The following TRMT11 variants were observed in gnomAD, a reference collection of about 807,000 sequenced individuals.
TRMT11 encodes tRNA methyltransferase 11.
TRMT11 carries 53 observed loss-of-function variants against 62.8 expected under a neutral mutation model. That is an observed-to-expected ratio of 0.84 (90% CI 0.68 to 1.06). The LOEUF is 1.06. Among genes scored for constraint, TRMT11 ranks in the 50% least tolerant of loss-of-function variants. The pLI is 0.00. For missense variants in TRMT11, 556 were observed against 553.4 expected (o/e 1.00, Z -0.05); for synonymous variants, 188 against 190.3 (o/e 0.99, Z 0.10).
rs1040974571 is a variant in TRMT11 at position 125,990,969 on chromosome 6, G to A, written c.73-2788G>A. 9.2e-5 allele frequency among the ~76,000 whole-genome samples: 14 copies of A among 151,896 alleles called. No homozygotes were observed. In the East Asian group the frequency reaches 2.1e-3, roughly 23 times the overall value. On this transcript the variant is annotated intron_variant, in intron 1 of 12. Coordinates refer to ENST00000334379, the MANE Select transcript of TRMT11 (RefSeq NM_001031712.3). ...TGCTTAAAAATTTTTTTGGGGGTCC[G>A]GGCGCAGTGGCTCACTCCTGTAATT...
chr6:126,238,689 T>A, the TRMT11 span, among the ~76,000 whole-genome samples: 12 of 152,250 alleles, frequency 7.9e-5, no homozygotes, highest in African/African-American at 2.4e-4. Context: ...TATATTCTGC[T>A]GATTTGGGGT....
chr6:126,094,084 A>T (rs1777313206), intron 17 of TRMT11, among the ~76,000 whole-genome samples: 1 of 151,490 alleles, frequency 6.6e-6, no homozygotes, highest in African/African-American at 2.4e-5. Flanking sequence ...GTGTAATAGA[A>T]AATGTGATAC....
At chr6:126,061,539 AAT>A (rs1776535689) in intron 17 of TRMT11, among the ~76,000 whole-genome samples, 2 of 118,702 alleles carry the variant, frequency 1.7e-5, no homozygotes, top group Admixed American at 1.0e-4. Context: ...AGGATCAGTC[AAT>A]TTTTTTTTTT....
At chr6:126,175,910 T>C (rs1778380114), upstream of TRMT11, among the ~76,000 whole-genome samples, 1 of 152,178 alleles carries the variant, frequency 6.6e-6, no homozygotes, top group Admixed American at 6.5e-5. Context: ...ACACTGAGAA[T>C]TTTACTTACT....
At chr6:126,186,003 G>T (rs1778522988) in intron 1 of TRMT11, among the ~76,000 whole-genome samples, 1 of 152,124 alleles carries the variant, frequency 6.6e-6, no homozygotes, top group African/African-American at 2.4e-5. Context: ...TCTAATTCAA[G>T]ATGAGATTCG....
the TRMT11 span, among the ~76,000 whole-genome samples, chr6:126,213,050 T>C: frequency 6.6e-6 from 1 of 152,140 alleles, no homozygotes; most frequent in Non-Finnish European, 1.5e-5. Context: ...GTGTATGCTA[T>C]TGGCATCTTT....
At chr6:126,034,146 C>CA (rs1375265878) in intron 12 of TRMT11, among the ~76,000 whole-genome samples, 3 of 151,936 alleles carry the variant, frequency 2.0e-5, no homozygotes, top group African/African-American at 7.2e-5. Flanking sequence ...AAGAGAATCA[C>CA]AATGGGAAAA....
At position 125,986,554 on chromosome 6, in the gene TRMT11, G is replaced by C; in HGVS notation, c.4G>C (p.Ala2Pro). 6.3e-7 allele frequency: 1 copy of C among 1,588,650 alleles called. No individual in the cohort carries two copies. Among genetic ancestry groups the C allele is most frequent in the Non-Finnish European group, 8.5e-7 (1 of 1,169,994 alleles). The change falls in exon 1 of 13, where the codon GCG becomes CCG. Residue 2 changes from alanine to proline, a missense_variant. Ala to Pro is a conservative substitution (Grantham distance 27, BLOSUM62 -1). Coordinates refer to ENST00000334379, the MANE Select transcript of TRMT11 (RefSeq NM_001031712.3). ...AGGCGCACGGTGGGCAGCTGCAATG[G>C]CGCTGTCGTGTACCCTTAACAGGTA... The part of the protein sequence containing the change: M[A>P]LSCTLNRYLL...
chr6:126,239,895 A>C, the TRMT11 span, among the ~76,000 whole-genome samples: 23 of 152,000 alleles, frequency 1.5e-4, no homozygotes, highest in African/African-American at 4.6e-4. Context: ...TTCTTGGAGG[A>C]TTTGTTCATT....
the TRMT11 span, chr6:126,258,421 C>G: frequency 3.0e-6 from 1 of 327,892 alleles, no homozygotes; most frequent in African/African-American, 2.2e-5. Flanking sequence ...GTGGCTGGCC[C>G]GGGTTAGCCT....
At position 126,011,369 on chromosome 6, in the gene TRMT11, A is replaced by C; in HGVS notation, c.877A>C (p.Lys293Gln). 6.2e-7 allele frequency: 1 copy of C among 1,613,208 alleles called. No homozygotes were observed. Among genetic ancestry groups the C allele is most frequent in the Non-Finnish European group, 8.5e-7 (1 of 1,179,356 alleles). The change falls in exon 9 of 13, where the codon AAA becomes CAA. Residue 293 changes from lysine (K) to glutamine (Q), a missense_variant. By Grantham distance (53) the Lys-to-Gln change is moderately conservative. Transcript: ENST00000334379. ...TGATGTCCTGGTTTCAGATGCATCTAAACCTTCCTGGAGGAAGGGCACATA... is the reference window on the plus strand; with the variant it reads ...TGATGTCCTGGTTTCAGATGCATCTCAACCTTCCTGGAGGAAGGGCACATA... The part of the protein sequence containing the change: ...YLDVLVSDAS[K>Q]PSWRKGTYFD...
chr6:126,125,593 A>G (rs1777708033), intron 21 of TRMT11, among the ~76,000 whole-genome samples: 1 of 152,140 alleles, frequency 6.6e-6, no homozygotes, highest in Non-Finnish European at 1.5e-5. Flanking sequence ...TTAGTGAAAC[A>G]GTGGGAAACA....
chr6:126,148,957 T>G (rs879755379), intron 21 of TRMT11, among the ~76,000 whole-genome samples: 12 of 152,248 alleles, frequency 7.9e-5, no homozygotes, highest in Non-Finnish European at 1.6e-4. Flanking sequence ...TACAGACAGA[T>G]GCTATAAACT....
intron 21 of TRMT11, among the ~76,000 whole-genome samples, chr6:126,129,790 C>T (rs1387701645): frequency 6.6e-6 from 1 of 152,118 alleles, no homozygotes; most frequent in East Asian, 1.9e-4. Context: ...CGTCTGTTCT[C>T]AGAATATCTC....
intron 21 of TRMT11, among the ~76,000 whole-genome samples, chr6:126,140,751 C>G (rs1937002): frequency 2.0e-5 from 3 of 152,028 alleles, no homozygotes; most frequent in Non-Finnish European, 4.4e-5. Flanking sequence ...ACAAAACAAC[C>G]TACAGAGTAT....
chr6:126,245,343 G>T, the TRMT11 span, among the ~76,000 whole-genome samples: 2 of 152,180 alleles, frequency 1.3e-5, no homozygotes, highest in Admixed American at 6.5e-5. Context: ...ATATGGTGAT[G>T]GGAGAAACTT....
At chr6:126,233,886 G>A in the TRMT11 span, among the ~76,000 whole-genome samples, 1 of 152,076 alleles carries the variant, frequency 6.6e-6, no homozygotes, top group Admixed American at 6.6e-5. Context: ...TCATGATGTG[G>A]CCCAAACCAT....
rs1791440493 is a variant in TRMT11, at chr6:125,996,002, T to C, written c.174T>C (p.Asp58=). The C allele has an allele frequency of 9.9e-6, 16 of 1,612,416 alleles. No individual in the cohort carries two copies. Among genetic ancestry groups the C allele is most frequent in the African/African-American group, 1.3e-5 (1 of 74,894 alleles). The change falls in exon 3 of 13, where the codon GAT becomes GAC. Residue 58 remains aspartate (D), a synonymous_variant. Transcript: ENST00000334379. ...GGATTCTTAGCATTCCCTCTGAAGATATTGCAAGAAATTTGATGAAACGGA... is the reference window on the plus strand; with the variant it reads ...GGATTCTTAGCATTCCCTCTGAAGACATTGCAAGAAATTTGATGAAACGGA... ...PFWILSIPSE[D]IARNLMKRTV...
intron 21 of TRMT11, among the ~76,000 whole-genome samples, chr6:126,141,878 T>C (rs188159743): frequency 3.3e-4 from 51 of 152,242 alleles, no homozygotes; most frequent in Admixed American, 1.2e-3. Context: ...TTCAAGACTT[T>C]GTCTCAACTG....
Sources: gnomAD v4.1 joint callset for allele counts (sites outside exome capture counted in the v4.1 genomes callset) on GRCh38, gnomAD v4.1.1 for gene constraint, MANE v1.5 for transcripts, NCBI Gene and HGNC (gene_info 2026-07-23, HGNC 2026-07-21) for gene names.